IBTK: variants seen among roughly 807,000 people sequenced by gnomAD.
The protein encoded by IBTK is BTK-binding protein.
In IBTK, 83 loss-of-function variants were observed where a neutral mutation model predicts 154.9. The observed-to-expected ratio is 0.54, with a 90% confidence interval of 0.45 to 0.64. The LOEUF is 0.64. Ranked by LOEUF, IBTK falls within the 30% of genes least tolerant of loss-of-function variation. The pLI, the probability that IBTK is intolerant of heterozygous loss-of-function variation, is 0.00. For synonymous variants in IBTK, 515 were observed against 536.1 expected, an observed-to-expected ratio of 0.96 and a Z score of 0.54; for missense variants, 1,332 against 1,584.6, an observed-to-expected ratio of 0.84 and a Z score of 2.71.
At chr6:82,232,146 C>T (rs1466807531) in intron 3 of IBTK, among the ~76,000 whole-genome samples, 10 of 151,828 alleles carry the variant, frequency 6.6e-5, no homozygotes, top group African/African-American at 2.4e-4. Flanking sequence ...CCTCCCACCT[C>T]GGCCCCCCAA....
At chr6:82,200,336 C>A in intron 20 of IBTK, 83 bp from the exon 21 acceptor site, 3 of 941,042 alleles carry the variant, frequency 3.2e-6, no homozygotes, top group Admixed American at 4.4e-5. Flanking sequence ...CATGTTTAAC[C>A]TGAAGGCTAC....
intron 11 of IBTK, 74 bp from the exon 12 acceptor site, chr6:82,214,903 C>T: frequency 6.9e-7 from 1 of 1,441,220 alleles, no homozygotes; most frequent in Non-Finnish European, 9.3e-7. Context: ...AGCCAATTCT[C>T]CTTTAAAATG....
intron 1 of IBTK, among the ~76,000 whole-genome samples, chr6:82,241,847 T>C (rs1326782698): frequency 6.6e-6 from 1 of 152,212 alleles, no homozygotes; most frequent in Non-Finnish European, 1.5e-5. Flanking sequence ...AAGGACATAC[T>C]TGAGTTTACT....
At chr6:82,190,852 T>C (rs911997354) in intron 25 of IBTK, among the ~76,000 whole-genome samples, 5 of 152,056 alleles carry the variant, frequency 3.3e-5, no homozygotes, top group African/African-American at 1.2e-4. Flanking sequence ...TGTGTCATCA[T>C]GACTTGTATG....
At chr6:82,186,817 A>G (rs1768574007) in intron 25 of IBTK, among the ~76,000 whole-genome samples, 1 of 152,150 alleles carries the variant, frequency 6.6e-6, no homozygotes, top group African/African-American at 2.4e-5. Flanking sequence ...AAGATACATA[A>G]AACTCATTAC....
At chr6:82,245,692 A>G (rs996034602) in intron 1 of IBTK, among the ~76,000 whole-genome samples, 1 of 152,210 alleles carries the variant, frequency 6.6e-6, no homozygotes, top group African/African-American at 2.4e-5. Flanking sequence ...TTCAGAAGAC[A>G]GAAAGAAGTG....
At position 82,240,510 on chromosome 6, in the gene IBTK, C is replaced by CT; in HGVS notation, c.-25dup. Reference sequence around the variant, plus strand: ...ATCCTAACTGTTTTTATACCACTTACTTCAGAATCGTGAAAACTAATTTTA... The same window carrying CT: ...ATCCTAACTGTTTTTATACCACTTACTTTCAGAATCGTGAAAACTAATTTTA... On this transcript the variant is annotated 5_prime_UTR_variant, in exon 2 of 29. Transcript: ENST00000306270. 1 of 1,571,274 alleles carries CT rather than the reference C, an allele frequency of 6.4e-7. No homozygotes were observed. Among genetic ancestry groups the CT allele is most frequent in the Non-Finnish European group, 8.6e-7 (1 of 1,157,888 alleles).
chr6:82,175,705 A>C (rs1164120881), intron 26 of IBTK, among the ~76,000 whole-genome samples: 3 of 152,222 alleles, frequency 2.0e-5, no homozygotes, highest in Non-Finnish European at 4.4e-5. Flanking sequence ...AAACAGCAAC[A>C]TAAAAAGGTT....
rs771214171 is a variant in IBTK, at chr6:82,240,320, A to G, written c.167T>C (p.Leu56Pro). ...CTTTCCACAGGAGGAAACAAGGTGG[A>G]GGGCATTCCTGCCAAAAACATCCTT... ...TIKDVFGRNA[L>P]HLVSSCGKKG... The change falls in exon 2 of 29, where the codon CTC becomes CCC. Residue 56 changes from leucine (L) to proline (P), a missense_variant. Leu to Pro is a moderately conservative substitution (Grantham distance 98). Coordinates refer to ENST00000306270, the MANE Select transcript of IBTK (RefSeq NM_015525.4). The G allele has an allele frequency of 6.2e-7, 1 of 1,614,216 alleles. No homozygotes were observed. Among genetic ancestry groups the G allele is most frequent in the Non-Finnish European group, 8.5e-7 (1 of 1,180,034 alleles).
intron 25 of IBTK, among the ~76,000 whole-genome samples, chr6:82,186,142 G>A (rs1037432342): frequency 6.6e-6 from 1 of 152,094 alleles, no homozygotes; most frequent in Non-Finnish European, 1.5e-5. Flanking sequence ...TTTGTTTTCT[G>A]ACTGTTACAC....
At chr6:82,215,994 AT>A in intron 11 of IBTK, 81 bp downstream of exon 11, 1 of 998,872 alleles carries the variant, frequency 1.0e-6, no homozygotes, top group Non-Finnish European at 1.5e-6. Context: ...CTTCAATTAA[AT>A]TTGCACCAGC....
intron 6 of IBTK, among the ~76,000 whole-genome samples, chr6:82,224,458 C>T (rs1027336806): frequency 6.6e-6 from 1 of 152,198 alleles, no homozygotes; most frequent in African/African-American, 2.4e-5. Context: ...AAACTTTTAG[C>T]TATTTTTCTT....
intron 18 of IBTK, among the ~76,000 whole-genome samples, chr6:82,201,758 T>C (rs1198419360): frequency 6.6e-6 from 1 of 151,964 alleles, no homozygotes; most frequent in Non-Finnish European, 1.5e-5. Context: ...AGTCTCACTC[T>C]GTCACCCAGG....
intron 4 of IBTK, among the ~76,000 whole-genome samples, chr6:82,231,156 A>G (rs1192446169): frequency 1.3e-5 from 2 of 152,178 alleles, no homozygotes; most frequent in Non-Finnish European, 2.9e-5. Context: ...AAAAAACTCT[A>G]TAGCCTTTCC....
chr6:82,206,460 C>CCA (rs1769417425), intron 16 of IBTK, among the ~76,000 whole-genome samples: 1 of 152,072 alleles, frequency 6.6e-6, no homozygotes, highest in Non-Finnish European at 1.5e-5. Context: ...GAGTCCAGGA[C>CCA]CAGATGGCTT....
chr6:82,223,981 A>G (rs901766135), intron 7 of IBTK, 87 bp downstream of exon 7: 4 of 791,322 alleles, frequency 5.1e-6, no homozygotes, highest in Non-Finnish European at 8.3e-6. Context: ...TCATAATCTC[A>G]TTCTAATCAA....
chr6:82,194,395 T>A (rs904403746), intron 23 of IBTK, 84 bp downstream of exon 23: 12 of 917,054 alleles, frequency 1.3e-5, no homozygotes, highest in Non-Finnish European at 1.8e-5. Context: ...ATTTCTTAAA[T>A]GTTCATCATT....
rs143687532 is a variant in IBTK, at chr6:82,172,468, G to A, written c.3842C>T (p.Pro1281Leu). 183 of 1,613,592 alleles carry A rather than the reference G, an allele frequency of 1.1e-4. No individual in the cohort carries two copies. The highest frequency in any genetic ancestry group is 8.8e-5 in the Non-Finnish European group (104 of 1,179,736). ...SSVTAPSMVA[P>L]VTFASIVEEE... The stretch of plus-strand genomic sequence containing the variant: ...TTCTACAATAGATGCAAAAGTGACT[G>A]GGGCTACCATGGATGGAGCAGTCAC... Residue 1281 changes from proline to leucine, a missense_variant, in exon 28 of 29, where the codon CCA (proline) becomes CTA (leucine). Coordinates refer to ENST00000306270, the MANE Select transcript of IBTK (RefSeq NM_015525.4).
chr6:82,238,102 G>A (rs1248188754), intron 2 of IBTK, among the ~76,000 whole-genome samples: 1 of 151,896 alleles, frequency 6.6e-6, no homozygotes, highest in African/African-American at 2.4e-5. Context: ...AAATAAGCCG[G>A]GCACGGTGGC....
Sources: allele counts gnomAD v4.1 joint callset (sites outside exome capture counted in the v4.1 genomes callset), GRCh38; gene constraint gnomAD v4.1.1; transcripts MANE v1.5; gene names NCBI Gene and HGNC (gene_info 2026-07-23, HGNC 2026-07-21).